Variants in FSTL5 observed in about 807,000 individuals in gnomAD.
The protein encoded by FSTL5 is follistatin-related protein 5.
In FSTL5, 62 loss-of-function variants were observed where a neutral mutation model predicts 89.1. The ratio of observed to expected loss-of-function variants is 0.70; its 90% CI spans 0.57 to 0.86. The LOEUF is 0.86. Among genes scored for constraint, FSTL5 ranks in the 40% least tolerant of loss-of-function variants. The probability of loss-of-function intolerance (pLI) is 0.00; values close to 1 mark genes in which losing one functional copy is unlikely to be tolerated. For missense variants in FSTL5, 1,057 were observed against 1,001.6 expected (o/e 1.06, Z -0.75); for synonymous variants, 383 against 346.2 (o/e 1.11, Z -1.18).
chr4:161,756,032 G>C (rs989916239), intron 6 of FSTL5, among the ~76,000 whole-genome samples: 4 of 151,974 alleles, frequency 2.6e-5, no homozygotes, highest in Non-Finnish European at 5.9e-5. Context: ...ACACAGGTCA[G>C]TTCTGTATCT....
chr4:161,598,812 A>C (rs1207920040), intron 7 of FSTL5, among the ~76,000 whole-genome samples: 1 of 152,154 alleles, frequency 6.6e-6, no homozygotes, highest in Non-Finnish European at 1.5e-5. Flanking sequence ...CTTCTACCTC[A>C]CAGAATACAC....
intron 1 of FSTL5, among the ~76,000 whole-genome samples, chr4:162,125,875 CTGTG>C (rs982486271): frequency 6.6e-6 from 1 of 151,558 alleles, no homozygotes; most frequent in Admixed American, 6.6e-5. Context: ...ACTTTTGTGC[CTGTG>C]TGTGTTTACT....
At chr4:162,107,144 A>G (rs1731255681) in intron 2 of FSTL5, among the ~76,000 whole-genome samples, 1 of 152,204 alleles carries the variant, frequency 6.6e-6, no homozygotes, top group Non-Finnish European at 1.5e-5. Context: ...CATTGCATAC[A>G]GGCCAAATTA....
intron 8 of FSTL5, among the ~76,000 whole-genome samples, chr4:161,550,450 A>T (rs1305084732): frequency 6.6e-6 from 1 of 151,872 alleles, no homozygotes; most frequent in Non-Finnish European, 1.5e-5. Context: ...AGGCTCTCCT[A>T]ATGTATTTAG....
At chr4:161,972,703 G>A (rs1286589393) in intron 3 of FSTL5, among the ~76,000 whole-genome samples, 2 of 152,206 alleles carry the variant, frequency 1.3e-5, no homozygotes, top group African/African-American at 4.8e-5. Flanking sequence ...GGATGTGAGA[G>A]ATCCAAAGCA....
chr4:162,149,386 A>G (rs1380261450), intron 1 of FSTL5, among the ~76,000 whole-genome samples: 1 of 152,056 alleles, frequency 6.6e-6, no homozygotes, highest in African/African-American at 2.4e-5. Context: ...TTTTTAAAAA[A>G]TTTAGCCAGG....
At chr4:161,680,203 G>C (rs1236165078) in intron 6 of FSTL5, among the ~76,000 whole-genome samples, 1 of 151,672 alleles carries the variant, frequency 6.6e-6, no homozygotes, top group Non-Finnish European at 1.5e-5. Flanking sequence ...TAAGTACCTA[G>C]TGCTTTTAAA....
intron 12 of FSTL5, among the ~76,000 whole-genome samples, chr4:161,483,495 T>G (rs985625106): frequency 3.3e-5 from 5 of 152,222 alleles, no homozygotes; most frequent in Non-Finnish European, 5.9e-5. Context: ...TGGAAATTAT[T>G]TTCTGTTTGG....
intron 4 of FSTL5, among the ~76,000 whole-genome samples, chr4:161,864,421 T>C (rs1732012869): frequency 6.6e-6 from 1 of 152,150 alleles, no homozygotes; most frequent in South Asian, 2.1e-4. Flanking sequence ...TCACAGGTTG[T>C]TGTGAGGATT....
chr4:162,160,143 C>T (rs1302881438), intron 1 of FSTL5, among the ~76,000 whole-genome samples: 2 of 118,884 alleles, frequency 1.7e-5, no homozygotes, highest in Non-Finnish European at 3.7e-5. Context: ...TAAATTCATA[C>T]ACACGTATAT....
At chr4:161,841,642 T>C (rs1011746836) in intron 4 of FSTL5, among the ~76,000 whole-genome samples, 7 of 152,120 alleles carry the variant, frequency 4.6e-5, no homozygotes, top group African/African-American at 1.7e-4. Context: ...AGGCAACAAA[T>C]AGATAAAAAT....
intron 1 of FSTL5, among the ~76,000 whole-genome samples, chr4:162,112,196 C>T (rs1448111166): frequency 6.6e-6 from 1 of 152,124 alleles, no homozygotes; most frequent in East Asian, 1.9e-4. Flanking sequence ...CAGAGAGCAG[C>T]TTTTTCTTCT....
intron 15 of FSTL5, among the ~76,000 whole-genome samples, chr4:161,452,142 C>T (rs552335044): frequency 6.6e-6 from 1 of 152,264 alleles, no homozygotes; most frequent in South Asian, 2.1e-4. Context: ...GATTCAATCT[C>T]AGCAGCACAT....
intron 4 of FSTL5, among the ~76,000 whole-genome samples, chr4:161,893,046 T>C (rs1048435168): frequency 6.6e-6 from 1 of 152,114 alleles, no homozygotes; most frequent in South Asian, 2.1e-4. Context: ...CACTTAGTCA[T>C]ACAGTAAAAA....
rs766431753 is a variant in FSTL5 at position 161,529,026 on chromosome 4, G to T, written c.1312+9140C>A. Among the ~76,000 whole-genome samples, 12 of 142,934 alleles carry T rather than the reference G, an allele frequency of 8.4e-5. 1 individual carries two copies. The South Asian group carries it at 9.6e-4, about 11-fold the overall frequency. 93.8% of individuals were successfully genotyped at this position (142,934 alleles called of 152,430 possible). On this transcript the variant is annotated intron_variant, in intron 10 of 15. Coordinates refer to ENST00000306100, the MANE Select transcript of FSTL5 (RefSeq NM_020116.5). ...GGCATTGTGTAATATGAATTAGGAG[G>T]TTCATTAAAGGTATATAATGCCTTG...
At chr4:161,910,528 T>G (rs954138264) in intron 4 of FSTL5, among the ~76,000 whole-genome samples, 1 of 152,144 alleles carries the variant, frequency 6.6e-6, no homozygotes, top group Non-Finnish European at 1.5e-5. Context: ...ATTCCAGTGT[T>G]TTGCATTTCA....
At chr4:161,588,652 T>C (rs927232649) in intron 7 of FSTL5, among the ~76,000 whole-genome samples, 5 of 152,098 alleles carry the variant, frequency 3.3e-5, no homozygotes, top group African/African-American at 7.3e-5. Flanking sequence ...TAGAGAAAGG[T>C]TCACAATAGC....
At chr4:161,980,067 A>AAAAG (rs1735772663) in intron 3 of FSTL5, among the ~76,000 whole-genome samples, 2 of 146,982 alleles carry the variant, frequency 1.4e-5, no homozygotes, top group African/African-American at 2.6e-5. Context: ...GAAAAAGAGA[A>AAAAG]AGAGAGAAAG....
chr4:161,478,644 T>C (rs1729383961), intron 13 of FSTL5, among the ~76,000 whole-genome samples: 1 of 152,082 alleles, frequency 6.6e-6, no homozygotes, highest in Non-Finnish European at 1.5e-5. Context: ...AGAATATTCA[T>C]TTATAGTATG....
Sources: allele counts gnomAD v4.1 joint callset (sites outside exome capture counted in the v4.1 genomes callset), GRCh38; gene constraint gnomAD v4.1.1; transcripts MANE v1.5; gene names NCBI Gene and HGNC (gene_info 2026-07-23, HGNC 2026-07-21).